Variants in B3GAT2 observed in about 807,000 individuals in gnomAD.
The protein encoded by B3GAT2 is beta-1,3-glucuronyltransferase 2, also known as galactosylgalactosylxylosylprotein 3-beta-glucuronosyltransferase 2.
Under a neutral mutation model 27.8 loss-of-function variants are expected in B3GAT2, and 26 were observed. The observed-to-expected ratio is 0.93, with a 90% confidence interval of 0.68 to 1.30. B3GAT2 has a LOEUF of 1.30. Ranked by LOEUF, B3GAT2 falls within the 50% of genes most tolerant of loss-of-function variation. The pLI, the probability that B3GAT2 is intolerant of heterozygous loss-of-function variation, is 0.00. For missense variants in B3GAT2, 458 were observed against 459.0 expected, an observed-to-expected ratio of 1.00 and a Z score of 0.02; for synonymous variants, 218 against 195.1, an observed-to-expected ratio of 1.12 and a Z score of -0.98.
In B3GAT2 at chr6:70,902,637, T is replaced by TATATATATATATATATAC. The variant is rs1491331231; in HGVS notation, c.592-8366_592-8365insGTATATATATATATATAT. 4.5e-5 allele frequency among the ~76,000 whole-genome samples: 6 copies of TATATATATATATATATAC among 133,424 alleles called. No homozygotes were observed. The East Asian group carries it at 1.2e-3, about 26-fold the overall frequency. 87.5% of individuals were successfully genotyped at this position (133,424 alleles called of 152,430 possible). ...AATGGGATATATATATATATATATA[T>TATATATATATATATATAC]ACACACACACACACACACACACACA... On this transcript the variant is annotated intron_variant, in intron 1 of 3. Transcript: ENST00000230053.
chr6:70,876,735 T>G, intron 2 of B3GAT2, among the ~76,000 whole-genome samples: 1 of 152,058 alleles, frequency 6.6e-6, no homozygotes, highest in Non-Finnish European at 1.5e-5. Context: ...TAGGGGCCCA[T>G]TGCTGGTTTT....
At chr6:70,895,160 G>T (rs1405318605) in intron 1 of B3GAT2, among the ~76,000 whole-genome samples, 1 of 152,136 alleles carries the variant, frequency 6.6e-6, no homozygotes, top group Admixed American at 6.5e-5. Context: ...TAAGCTCCAC[G>T]CACCCTCACA....
At chr6:70,955,783 C>T in intron 1 of B3GAT2, 56 bp downstream of exon 1, 1 of 1,491,476 alleles carries the variant, frequency 6.7e-7, no homozygotes, top group Non-Finnish European at 8.9e-7. Flanking sequence ...GCAGCCCGGC[C>T]GGCCCGGAGG....
intron 2 of B3GAT2, among the ~76,000 whole-genome samples, chr6:70,867,976 A>AT (rs763987883): frequency 1.6e-4 from 25 of 152,256 alleles, no homozygotes; most frequent in Non-Finnish European, 2.8e-4. Flanking sequence ...TTATCTCCAG[A>AT]TTGCAATGTT....
intron 2 of B3GAT2, among the ~76,000 whole-genome samples, chr6:70,863,415 C>G (rs1771797590): frequency 6.6e-6 from 1 of 152,182 alleles, no homozygotes; most frequent in African/African-American, 2.4e-5. Flanking sequence ...CGTGGTACAG[C>G]AGGTGCTGAG....
Position 70,860,551 on chromosome 6 carries a change from T to C in B3GAT2, c.*1112A>G, listed in dbSNP as rs1771673807. On this transcript the variant is annotated 3_prime_UTR_variant, in exon 4 of 4. Coordinates refer to ENST00000230053, the MANE Select transcript of B3GAT2 (RefSeq NM_080742.3). ...TTTATGTCAAGGGCAGCTTTGCTCA[T>C]ATTTCCCATGATTTCATGTACTGCA... is the stretch of plus-strand genomic sequence containing the variant. 2.1e-6 allele frequency: 1 copy of C among 481,364 alleles called. No individual in the cohort carries two copies. The highest frequency in any genetic ancestry group is 3.5e-6 in the Non-Finnish European group (1 of 286,292). The allele number at this position is 481,364 out of a possible 1,614,324, so 29.8% of individuals were successfully genotyped here. A position where few individuals can be genotyped will look rare whatever the true frequency, so the allele number is the denominator to read the frequency against.
At chr6:70,940,886 T>C (rs2150049428) in intron 1 of B3GAT2, among the ~76,000 whole-genome samples, 1 of 152,204 alleles carries the variant, frequency 6.6e-6, no homozygotes, top group Middle Eastern at 3.4e-3. Context: ...CAGGTTAGCA[T>C]CCTCCTCTGA....
At chr6:70,908,817 GAAAA>G (rs199866277) in intron 1 of B3GAT2, among the ~76,000 whole-genome samples, 1 of 151,178 alleles carries the variant, frequency 6.6e-6, no homozygotes, top group African/African-American at 2.4e-5. Flanking sequence ...AAATCTAAGA[GAAAA>G]AAAAATTCTC....
intron 1 of B3GAT2, among the ~76,000 whole-genome samples, chr6:70,928,853 T>C (rs1244668337): frequency 6.6e-6 from 1 of 152,178 alleles, no homozygotes; most frequent in Non-Finnish European, 1.5e-5. Flanking sequence ...AGCCATCCCA[T>C]TACTGGGTAT....
intron 1 of B3GAT2, among the ~76,000 whole-genome samples, chr6:70,934,800 G>A (rs566727193): frequency 6.6e-6 from 1 of 152,222 alleles, no homozygotes; most frequent in African/African-American, 2.4e-5. Context: ...CTAGCAATCT[G>A]TAATATTTGT....
intron 2 of B3GAT2, among the ~76,000 whole-genome samples, chr6:70,877,981 A>C (rs1417601198): frequency 6.6e-6 from 1 of 152,144 alleles, no homozygotes; most frequent in Non-Finnish European, 1.5e-5. Context: ...TTGTCAACAG[A>C]TCTAACTCCA....
intron 1 of B3GAT2, among the ~76,000 whole-genome samples, chr6:70,901,084 T>C (rs1019440670): frequency 6.6e-6 from 1 of 152,208 alleles, no homozygotes; most frequent in African/African-American, 2.4e-5. Flanking sequence ...AATTTTATTG[T>C]CCCTAAACGT....
rs79805959 is a variant in B3GAT2 at position 70,900,793 on chromosome 6, C to T, written c.592-6521G>A. Among the ~76,000 whole-genome samples the T allele has an allele frequency of 3.1e-3, 479 of 152,256 alleles. 2 individuals are homozygous for T. The highest frequency in any genetic ancestry group is 0.011 in the African/African-American group (467 of 41,548). On this transcript the variant is annotated intron_variant, in intron 1 of 3. Coordinates refer to ENST00000230053, the MANE Select transcript of B3GAT2 (RefSeq NM_080742.3). ...GTCTTTAGCTTCCTTGAAGACATGC[C>T]ACTAGTTAAAATCTTGTTTTATTTT...
chr6:70,862,208 C>T (rs916522600), intron 2 of B3GAT2, among the ~76,000 whole-genome samples: 3 of 152,034 alleles, frequency 2.0e-5, no homozygotes, highest in East Asian at 1.9e-4. Flanking sequence ...GGAGCATCTA[C>T]GCAAAATAGG....
At chr6:70,941,963 A>G (rs1765399480) in intron 1 of B3GAT2, among the ~76,000 whole-genome samples, 1 of 152,178 alleles carries the variant, frequency 6.6e-6, no homozygotes, top group South Asian at 2.1e-4. Context: ...CAGGTGCTCT[A>G]AAGGATCCAC....
At chr6:70,928,999 G>T (rs1357300528) in intron 1 of B3GAT2, among the ~76,000 whole-genome samples, 1 of 152,144 alleles carries the variant, frequency 6.6e-6, no homozygotes, top group Non-Finnish European at 1.5e-5. Flanking sequence ...AGAAAACATG[G>T]CACATATACA....
intron 2 of B3GAT2, among the ~76,000 whole-genome samples, chr6:70,882,735 A>G (rs1393035409): frequency 1.3e-5 from 2 of 152,208 alleles, no homozygotes; most frequent in African/African-American, 4.8e-5. Context: ...GCAAAGTCCA[A>G]TATGACTGAT....
chr6:70,866,735 T>G (rs967105119), intron 2 of B3GAT2, among the ~76,000 whole-genome samples: 1 of 152,016 alleles, frequency 6.6e-6, no homozygotes. Context: ...GGAAAAAAAT[T>G]TGAAGAAATG....
intron 1 of B3GAT2, among the ~76,000 whole-genome samples, chr6:70,949,386 T>C (rs1425074690): frequency 6.6e-6 from 1 of 152,108 alleles, no homozygotes; most frequent in Non-Finnish European, 1.5e-5. Flanking sequence ...CATCAACAAG[T>C]GGGTGAAGGA....
Sources: allele counts gnomAD v4.1 joint callset (sites outside exome capture counted in the v4.1 genomes callset), GRCh38; gene constraint gnomAD v4.1.1; transcripts MANE v1.5; gene names NCBI Gene and HGNC (gene_info 2026-07-23, HGNC 2026-07-21).